Variants in DCLK1 observed in about 807,000 individuals in gnomAD.
The protein encoded by DCLK1 is serine/threonine-protein kinase DCLK1.
Under a neutral mutation model 86.2 loss-of-function variants are expected in DCLK1, and 16 were observed. The ratio of observed to expected loss-of-function variants is 0.19; its 90% CI spans 0.13 to 0.28. The LOEUF (loss-of-function observed/expected upper bound fraction) is 0.28. Ranked by LOEUF, DCLK1 falls within the 10% of genes least tolerant of loss-of-function variation. The pLI is 1.00. For synonymous variants in DCLK1, 369 were observed against 370.5 expected, an observed-to-expected ratio of 1.00 and a Z score of 0.05; for missense variants, 590 against 940.2, an observed-to-expected ratio of 0.63 and a Z score of 4.87.
At chr13:36,061,441 T>TG (rs1260322966) in intron 3 of DCLK1, among the ~76,000 whole-genome samples, 4 of 152,312 alleles carry the variant, frequency 2.6e-5, no homozygotes, top group Non-Finnish European at 5.9e-5. Flanking sequence ...AGCACATAAG[T>TG]GGTTTCACTT....
intron 3 of DCLK1, among the ~76,000 whole-genome samples, chr13:36,105,438 T>G (rs974940021): frequency 9.2e-5 from 14 of 152,186 alleles, no homozygotes; most frequent in African/African-American, 3.4e-4. Context: ...TGACAACTTA[T>G]AGAGCAGGCA....
chr13:35,880,405 T>A (rs1350004159), intron 4 of DCLK1, among the ~76,000 whole-genome samples: 1 of 152,156 alleles, frequency 6.6e-6, no homozygotes, highest in African/African-American at 2.4e-5. Context: ...GGTAAGGTTC[T>A]TTCCCTTCCA....
intron 3 of DCLK1, among the ~76,000 whole-genome samples, chr13:36,034,674 GT>G (rs1882420863): frequency 6.6e-6 from 1 of 152,120 alleles, no homozygotes; most frequent in Admixed American, 6.6e-5. Context: ...TCTCTTAGTG[GT>G]GAGCAGGTAA....
chr13:35,865,780 G>A (rs1446659522), intron 5 of DCLK1, among the ~76,000 whole-genome samples: 1 of 152,092 alleles, frequency 6.6e-6, no homozygotes, highest in Non-Finnish European at 1.5e-5. Context: ...AGGGACAAAG[G>A]GAAGACTTAC....
intron 3 of DCLK1, among the ~76,000 whole-genome samples, chr13:36,022,090 C>T (rs921153648): frequency 1.3e-5 from 2 of 151,846 alleles, no homozygotes; most frequent in Non-Finnish European, 2.9e-5. Context: ...TCTCTGATCA[C>T]ATTGGAATGA....
At chr13:36,059,240 C>A (rs1390809225) in intron 3 of DCLK1, among the ~76,000 whole-genome samples, 3 of 152,156 alleles carry the variant, frequency 2.0e-5, no homozygotes, top group African/African-American at 7.2e-5. Flanking sequence ...AAAGTATTTT[C>A]TTTAAGTCAG....
At position 36,111,615 on chromosome 13, in the gene DCLK1, T is replaced by A. The variant is rs562890675; in HGVS notation, c.723+254A>T. ...AAGAATCATTATGTTAAGCAAATAATAAATGAACAAGTAGAAATCACTGAG... is the reference window on the plus strand; with the variant it reads ...AAGAATCATTATGTTAAGCAAATAAAAAATGAACAAGTAGAAATCACTGAG... On this transcript the variant is annotated intron_variant, in intron 3 of 16. Transcript: ENST00000360631. Among the ~76,000 whole-genome samples the A allele has an allele frequency of 2.0e-5, 3 of 152,278 alleles. No homozygotes were observed. The East Asian group carries it at 5.8e-4, about 29-fold the overall frequency.
chr13:35,789,394 T>G (rs192885257), intron 16 of DCLK1, among the ~76,000 whole-genome samples: 3 of 152,354 alleles, frequency 2.0e-5, no homozygotes, highest in Admixed American at 2.0e-4. Flanking sequence ...GTTTTAATCT[T>G]TTTAAAAATG....
chr13:36,102,314 C>T (rs1228299858), intron 3 of DCLK1, among the ~76,000 whole-genome samples: 1 of 151,244 alleles, frequency 6.6e-6, no homozygotes, highest in African/African-American at 2.4e-5. Context: ...TTATGGTCTT[C>T]CAAGTAGAGA....
chr13:36,097,362 T>C (rs1885054020), intron 3 of DCLK1, among the ~76,000 whole-genome samples: 1 of 152,232 alleles, frequency 6.6e-6, no homozygotes. Context: ...GTGCTTTTTG[T>C]AGTACGAAAA....
At chr13:35,814,108 T>C (rs867744157) in intron 11 of DCLK1, among the ~76,000 whole-genome samples, 1 of 152,138 alleles carries the variant, frequency 6.6e-6, no homozygotes, top group Non-Finnish European at 1.5e-5. Flanking sequence ...CAACGGGGAC[T>C]CTTCATTAGC....
At position 35,930,612 on chromosome 13, in the gene DCLK1, A is replaced by C. The variant is rs139392119; in HGVS notation, c.823+16746T>G. 6.2e-3 allele frequency among the ~76,000 whole-genome samples: 941 copies of C among 150,876 alleles called. 16 individuals carry two copies. Among genetic ancestry groups the C allele is most frequent in the African/African-American group, 0.021 (855 of 40,220 alleles). On this transcript the variant is annotated intron_variant, in intron 4 of 16. Transcript: ENST00000360631. Reference sequence around the variant, plus strand: ...AAGACTCCATCTCAAACAAACAAACAAACAAAAACAAACAAAAACAAAAAA... The same window carrying C: ...AAGACTCCATCTCAAACAAACAAACCAACAAAAACAAACAAAAACAAAAAA...
chr13:35,852,178 A>G (rs1407253025), intron 6 of DCLK1, among the ~76,000 whole-genome samples: 1 of 152,218 alleles, frequency 6.6e-6, no homozygotes, highest in African/African-American at 2.4e-5. Context: ...TCTTTCACTT[A>G]TTTCAGTATT....
At chr13:35,998,303 C>T (rs1880561915) in intron 3 of DCLK1, among the ~76,000 whole-genome samples, 1 of 151,950 alleles carries the variant, frequency 6.6e-6, no homozygotes, top group African/African-American at 2.4e-5. Flanking sequence ...ATAAAAATGC[C>T]CTTCAATAGT....
intron 7 of DCLK1, 151 bp from the exon 8 acceptor site, chr13:35,836,292 T>G (rs1456575356): frequency 1.5e-6 from 1 of 645,846 alleles, no homozygotes; most frequent in Non-Finnish European, 2.6e-6. Flanking sequence ...TCCCCACCCT[T>G]GCTGACATTG....
At chr13:35,869,495 T>C (rs1418927194) in intron 5 of DCLK1, among the ~76,000 whole-genome samples, 1 of 152,228 alleles carries the variant, frequency 6.6e-6, no homozygotes, top group Non-Finnish European at 1.5e-5. Flanking sequence ...AGGACACTGA[T>C]GGACATTGCT....
intron 3 of DCLK1, among the ~76,000 whole-genome samples, chr13:36,103,378 T>A: frequency 7.5e-6 from 1 of 133,128 alleles, no homozygotes; most frequent in Non-Finnish European, 1.5e-5. Context: ...CATTCCAACC[T>A]GGGAGACAGA....
At chr13:35,857,029 C>A (rs775672393) in intron 5 of DCLK1, among the ~76,000 whole-genome samples, 17 of 152,092 alleles carry the variant, frequency 1.1e-4, no homozygotes, top group Non-Finnish European at 1.6e-4. Context: ...ACAGGTAAAC[C>A]AGAGAACTAA....
intron 3 of DCLK1, among the ~76,000 whole-genome samples, chr13:36,032,034 C>T (rs1355506941): frequency 6.6e-6 from 1 of 152,234 alleles, no homozygotes; most frequent in Non-Finnish European, 1.5e-5. Flanking sequence ...TTCTTTCACT[C>T]CCCTGGGTGG....
Sources: gnomAD v4.1 joint callset for allele counts (sites outside exome capture counted in the v4.1 genomes callset) on GRCh38, gnomAD v4.1.1 for gene constraint, MANE v1.5 for transcripts, NCBI Gene and HGNC (gene_info 2026-07-23, HGNC 2026-07-21) for gene names.